The following FAM174B variants were observed in gnomAD, a reference collection of about 807,000 sequenced individuals.
The protein encoded by FAM174B is family with sequence similarity 174 member B.
Under a neutral mutation model 10.9 loss-of-function variants are expected in FAM174B, and 12 were observed. The ratio of observed to expected loss-of-function variants is 1.10; its 90% CI spans 0.71 to 1.79. FAM174B has a LOEUF of 1.79. Ranked by LOEUF, FAM174B falls within the 40% of genes most tolerant of loss-of-function variation. FAM174B has a pLI of 0.00. For missense variants in FAM174B, 266 were observed against 233.3 expected, an observed-to-expected ratio of 1.14 and a Z score of -0.91; for synonymous variants, 132 against 115.8, an observed-to-expected ratio of 1.14 and a Z score of -0.90.
intron 1 of FAM174B, 136 bp downstream of exon 1, chr15:92,655,180 C>T (rs528630729): frequency 2.4e-6 from 3 of 1,270,618 alleles, no homozygotes; most frequent in African/African-American, 3.1e-5. Flanking sequence ...CTCTCCCGGG[C>T]AGGGCAGGAG....
intron 1 of FAM174B, among the ~76,000 whole-genome samples, chr15:92,640,835 G>T (rs1428942800): frequency 6.6e-6 from 1 of 151,702 alleles, no homozygotes; most frequent in African/African-American, 2.4e-5. Context: ...AGTAGAGATG[G>T]GGTTTCACCA....
intron 2 of FAM174B, chr15:92,619,862 G>C (rs1291122626): frequency 4.5e-6 from 1 of 223,940 alleles, no homozygotes; most frequent in Non-Finnish European, 8.8e-6. Flanking sequence ...TGTTGGGGTG[G>C]AACAGCAGCC....
chr15:92,626,456 A>T (rs898787231), intron 2 of FAM174B, among the ~76,000 whole-genome samples: 4 of 152,194 alleles, frequency 2.6e-5, no homozygotes, highest in African/African-American at 9.7e-5. Flanking sequence ...AATAAACAAA[A>T]AGTTTAAAAA....
chr15:92,625,334 C>T (rs972286643), intron 2 of FAM174B, among the ~76,000 whole-genome samples: 1 of 152,206 alleles, frequency 6.6e-6, no homozygotes, highest in Non-Finnish European at 1.5e-5. Flanking sequence ...AAGCAGGTTA[C>T]TCTGCCTTAC....
chr15:92,636,315 AAAT>A (rs60705910), intron 1 of FAM174B, among the ~76,000 whole-genome samples: 1,673 of 152,150 alleles, frequency 0.011, 28 homozygotes, highest in African/African-American at 0.037. Flanking sequence ...CCCTGACTCA[AAAT>A]AATAATAATA....
chr15:92,631,302 A>T (rs796664231), intron 1 of FAM174B, among the ~76,000 whole-genome samples: 28 of 1,570 alleles, frequency 0.018, 4 homozygotes, highest in Non-Finnish European at 0.041. Flanking sequence ...TATTATATAT[A>T]ATATATTATA....
chr15:92,626,804 G>C (rs1228260896), intron 2 of FAM174B, among the ~76,000 whole-genome samples: 1 of 152,116 alleles, frequency 6.6e-6, no homozygotes, highest in Non-Finnish European at 1.5e-5. Context: ...TGTAATCCCA[G>C]CACTTTGGGA....
intron 2 of FAM174B, among the ~76,000 whole-genome samples, chr15:92,629,198 T>TA (rs2050774238): frequency 6.6e-6 from 1 of 152,166 alleles, no homozygotes; most frequent in African/African-American, 2.4e-5. Context: ...CTGTTCCACT[T>TA]TTACTACTAA....
At chr15:92,648,325 C>A in intron 1 of FAM174B, among the ~76,000 whole-genome samples, 1 of 152,188 alleles carries the variant, frequency 6.6e-6, no homozygotes, top group East Asian at 1.9e-4. Flanking sequence ...AGGGCATTAT[C>A]CTATGCCTTA....
chr15:92,651,777 G>A lies in FAM174B; in HGVS notation c.344+3539C>T, dbSNP rs12443025. 1.6e-3 allele frequency among the ~76,000 whole-genome samples: 245 copies of A among 152,282 alleles called. 1 individual carries two copies. Among genetic ancestry groups the A allele is most frequent in the African/African-American group, 5.3e-3 (219 of 41,560 alleles). On this transcript the variant is annotated intron_variant, in intron 1 of 2. Transcript: ENST00000327355. The stretch of plus-strand genomic sequence containing the variant: ...CTTTCTCTTCTAATCATTCACATTA[G>A]AAGCAAAGAATATATAGTGCAGTGG...
At chr15:92,632,753 C>T (rs1443157426) in intron 1 of FAM174B, among the ~76,000 whole-genome samples, 5 of 151,898 alleles carry the variant, frequency 3.3e-5, no homozygotes, top group African/African-American at 1.2e-4. Flanking sequence ...AACTCCTGAA[C>T]TCAAGCGATC....
At chr15:92,642,791 T>G (rs1365099749) in intron 1 of FAM174B, among the ~76,000 whole-genome samples, 4 of 152,148 alleles carry the variant, frequency 2.6e-5, no homozygotes, top group Non-Finnish European at 5.9e-5. Flanking sequence ...TACTACAATA[T>G]CTATCTATTG....
chr15:92,651,987 T>G (rs2050969469), intron 1 of FAM174B, among the ~76,000 whole-genome samples: 1 of 152,250 alleles, frequency 6.6e-6, no homozygotes. Context: ...TCATACTTAC[T>G]ACACTCTCCT....
Position 92,655,395 on chromosome 15 carries a change from G to T in FAM174B, c.265C>A (p.Pro89Thr). Reference sequence around the variant, plus strand: ...ACGATCACGGCTGCCTTGAGGGTGGGTAGGTCGCGGAGGAGGATGGAAATG... The same window carrying T: ...ACGATCACGGCTGCCTTGAGGGTGGTTAGGTCGCGGAGGAGGATGGAAATG... ...TRISILLRDL[P>T]TLKAAVIVAF... The change falls in exon 1 of 3, where the codon CCC (proline) becomes ACC (threonine). Residue 89 changes from proline (P) to threonine (T), a missense_variant. Transcript: ENST00000327355. The T allele has an allele frequency of 6.3e-7, 1 of 1,595,286 alleles. No homozygotes were observed. The highest frequency in any genetic ancestry group is 8.5e-7 in the Non-Finnish European group (1 of 1,171,746).
intron 2 of FAM174B, among the ~76,000 whole-genome samples, chr15:92,629,086 C>T (rs1005033122): frequency 6.1e-5 from 9 of 146,936 alleles, no homozygotes; most frequent in African/African-American, 1.9e-4. Context: ...GACCAAGGAC[C>T]GCCAAGGCTG....
At chr15:92,629,528 T>TGGCACA (rs1406537936) in intron 2 of FAM174B, among the ~76,000 whole-genome samples, 2 of 152,232 alleles carry the variant, frequency 1.3e-5, no homozygotes, top group African/African-American at 2.4e-5. Context: ...GCCTGGTGTG[T>TGGCACA]GGCACACACG....
At chr15:92,631,695 C>T (rs1382339473) in intron 1 of FAM174B, among the ~76,000 whole-genome samples, 4 of 149,944 alleles carry the variant, frequency 2.7e-5, no homozygotes, top group East Asian at 3.9e-4. Flanking sequence ...AGACAGATTT[C>T]GCCTGTTAGC....
chr15:92,649,790 T>C (rs952859709), intron 1 of FAM174B, among the ~76,000 whole-genome samples: 4 of 152,198 alleles, frequency 2.6e-5, no homozygotes, highest in African/African-American at 7.2e-5. Context: ...GGAGGCAAAA[T>C]CCTTCGGCTT....
chr15:92,655,699 G>C lies in FAM174B; in HGVS notation c.-40C>G. ...GCACAGGATCGGGCAGGGCGCGCGC[G>C]GCTGAGCTCCAGGATCCGCACCAGC... On this transcript the variant is annotated 5_prime_UTR_variant, in exon 1 of 3. Transcript: ENST00000327355. 8.1e-7 allele frequency: 1 copy of C among 1,232,790 alleles called. No homozygotes were observed. Among genetic ancestry groups the C allele is most frequent in the African/African-American group, 1.6e-5 (1 of 64,308 alleles). The allele number at this position is 1,232,790 out of a possible 1,614,324, so 76.4% of individuals were successfully genotyped here.
Sources: gnomAD v4.1 joint callset for allele counts (sites outside exome capture counted in the v4.1 genomes callset) on GRCh38, gnomAD v4.1.1 for gene constraint, MANE v1.5 for transcripts, NCBI Gene and HGNC (gene_info 2026-07-23, HGNC 2026-07-21) for gene names.